Variants in NRG1 observed in about 807,000 individuals in gnomAD.
The protein encoded by NRG1 is pro-neuregulin-1, membrane-bound isoform.
In NRG1, 18 loss-of-function variants were observed where a neutral mutation model predicts 63.8. That is an observed-to-expected ratio of 0.28 (90% CI 0.19 to 0.42). NRG1 has a LOEUF of 0.42. NRG1 is among the 10% of genes least tolerant of loss of function. The pLI is 1.00. For synonymous variants in NRG1, 302 were observed against 301.3 expected (o/e 1.00, Z -0.02); for missense variants, 762 against 814.7 (o/e 0.94, Z 0.79).
chr8:32,579,295 G>A (rs748285910), intron 1 of NRG1, among the ~76,000 whole-genome samples: 5 of 148,802 alleles, frequency 3.4e-5, no homozygotes, highest in South Asian at 2.1e-4. Context: ...CTCTCTGCTC[G>A]TGGATTCCTG....
intron 1 of NRG1, among the ~76,000 whole-genome samples, chr8:32,042,593 G>A (rs555556618): frequency 1.3e-5 from 2 of 152,176 alleles, no homozygotes; most frequent in East Asian, 3.9e-4. Flanking sequence ...GACAGATCTT[G>A]GAATTACCTG....
intron 1 of NRG1, among the ~76,000 whole-genome samples, chr8:31,753,768 C>T (rs1273925296): frequency 2.0e-5 from 3 of 152,000 alleles, no homozygotes; most frequent in Non-Finnish European, 2.9e-5. Flanking sequence ...CTCTTCTTGC[C>T]TCCCTGACTC....
intron 1 of NRG1, among the ~76,000 whole-genome samples, chr8:31,668,997 C>T (rs1806829755): frequency 6.6e-6 from 1 of 152,124 alleles, no homozygotes. Context: ...ACATGAAGTT[C>T]ATTTATGTTT....
intron 1 of NRG1, among the ~76,000 whole-genome samples, chr8:31,827,376 G>A (rs1226098463): frequency 6.6e-6 from 1 of 152,180 alleles, no homozygotes; most frequent in Non-Finnish European, 1.5e-5. Flanking sequence ...GTGTTCCACA[G>A]TCACTGGGAG....
chr8:31,681,736 A>T lies in NRG1; in HGVS notation c.37+42305A>T, dbSNP rs191253831. 3.3e-5 allele frequency among the ~76,000 whole-genome samples: 5 copies of T among 149,610 alleles called. No individual in the cohort carries two copies. In the East Asian group the frequency reaches 9.7e-4, roughly 29 times the overall value. ...ATAATTATATGCATTATATATATTC[A>T]CACACACACACAGGAGATGACCATA... On this transcript the variant is annotated intron_variant, in intron 1 of 10. Coordinates refer to the NRG1 transcript ENST00000519301.
At chr8:32,680,969 A>C (rs1289871644) in intron 5 of NRG1, among the ~76,000 whole-genome samples, 1 of 139,384 alleles carries the variant, frequency 7.2e-6, no homozygotes. Flanking sequence ...GTTCTGTAAC[A>C]AGCATAAGAA....
At chr8:32,764,501 C>A in exon 12 of NRG1, 2 of 1,123,316 alleles carry the variant, frequency 1.8e-6, no homozygotes, top group Non-Finnish European at 2.4e-6. Context: ...AGCAGTTCTG[C>A]AAATAGAAAA....
At chr8:32,111,038 T>C (rs1267056889) in intron 1 of NRG1, among the ~76,000 whole-genome samples, 1 of 152,166 alleles carries the variant, frequency 6.6e-6, no homozygotes, top group Non-Finnish European at 1.5e-5. Context: ...CTCCTAACAA[T>C]AGAAGGTGAC....
intron 1 of NRG1, among the ~76,000 whole-genome samples, chr8:32,566,914 C>T (rs1037874463): frequency 9.9e-5 from 15 of 152,118 alleles, no homozygotes; most frequent in African/African-American, 3.1e-4. Context: ...AATGCAGTGG[C>T]GCGATCTCAG....
intron 1 of NRG1, among the ~76,000 whole-genome samples, chr8:31,965,287 A>T (rs1427275936): frequency 2.0e-5 from 3 of 151,008 alleles, no homozygotes; most frequent in Non-Finnish European, 4.4e-5. Context: ...CAGTGGTGTG[A>T]TCTCAGCTCA....
At chr8:32,363,270 A>G (rs1807474871) in intron 1 of NRG1, among the ~76,000 whole-genome samples, 1 of 152,210 alleles carries the variant, frequency 6.6e-6, no homozygotes, top group Non-Finnish European at 1.5e-5. Context: ...TCAAATGGGA[A>G]GAACAATAGA....
At chr8:32,186,146 T>C (rs529104774) in intron 1 of NRG1, among the ~76,000 whole-genome samples, 2 of 152,266 alleles carry the variant, frequency 1.3e-5, no homozygotes, top group Admixed American at 6.5e-5. Context: ...ATGTACAATT[T>C]GAGAAACTGA....
At chr8:32,119,848 C>T (rs1833207787) in intron 1 of NRG1, among the ~76,000 whole-genome samples, 1 of 152,042 alleles carries the variant, frequency 6.6e-6, no homozygotes, top group Non-Finnish European at 1.5e-5. Flanking sequence ...CAAAAATAAA[C>T]TTCTGCTGTG....
At chr8:32,188,726 A>C (rs1842197757) in intron 1 of NRG1, among the ~76,000 whole-genome samples, 1 of 151,982 alleles carries the variant, frequency 6.6e-6, no homozygotes, top group Non-Finnish European at 1.5e-5. Flanking sequence ...CATGTGGGCT[A>C]TGCATATTCT....
intron 1 of NRG1, among the ~76,000 whole-genome samples, chr8:31,858,155 C>T (rs531437899): frequency 3.9e-5 from 6 of 152,082 alleles, no homozygotes; most frequent in South Asian, 4.2e-4. Context: ...AAAAATTAGT[C>T]GGGCATGGTG....
At chr8:32,202,365 G>C (rs2132304635) in intron 1 of NRG1, among the ~76,000 whole-genome samples, 1 of 152,276 alleles carries the variant, frequency 6.6e-6, no homozygotes, top group Admixed American at 6.5e-5. Context: ...AACCCCTTAT[G>C]GGATGGGGAA....
intron 1 of NRG1, among the ~76,000 whole-genome samples, chr8:31,878,534 A>G (rs916295965): frequency 6.6e-6 from 1 of 152,190 alleles, no homozygotes; most frequent in African/African-American, 2.4e-5. Context: ...CTATTTATCG[A>G]TTGTTATATA....
At chr8:32,007,413 A>T (rs191237762) in intron 1 of NRG1, among the ~76,000 whole-genome samples, 62 of 152,162 alleles carry the variant, frequency 4.1e-4, no homozygotes, top group African/African-American at 1.4e-3. Flanking sequence ...TACTGGAGGC[A>T]GGGACATTAA....
chr8:32,441,052 G>C (rs925250392), intron 1 of NRG1, among the ~76,000 whole-genome samples: 1 of 152,124 alleles, frequency 6.6e-6, no homozygotes, highest in Non-Finnish European at 1.5e-5. Flanking sequence ...GCAAATTTTC[G>C]TCAGTATACT....
Sources: allele counts gnomAD v4.1 joint callset (sites outside exome capture counted in the v4.1 genomes callset), GRCh38; gene constraint gnomAD v4.1.1; transcripts MANE v1.5; gene names NCBI Gene and HGNC (gene_info 2026-07-23, HGNC 2026-07-21).